The following JAKMIP2 variants were observed in gnomAD, a reference collection of about 807,000 sequenced individuals.
JAKMIP2 encodes the protein janus kinase and microtubule interacting protein 2, also known as janus kinase and microtubule-interacting protein 2.
Under a neutral mutation model 115.0 loss-of-function variants are expected in JAKMIP2, and 25 were observed. The observed-to-expected ratio is 0.22, with a 90% CI of 0.16 to 0.30. The LOEUF is 0.30. Among genes scored for constraint, JAKMIP2 ranks in the 10% least tolerant of loss-of-function variants. JAKMIP2 has a pLI of 1.00. For synonymous variants in JAKMIP2, 334 were observed against 343.6 expected (o/e 0.97, Z 0.31); for missense variants, 642 against 957.6 (o/e 0.67, Z 4.35).
chr5:147,738,297 C>T (rs1754002060), intron 1 of JAKMIP2, among the ~76,000 whole-genome samples: 2 of 152,120 alleles, frequency 1.3e-5, no homozygotes, highest in Non-Finnish European at 2.9e-5. Flanking sequence ...TCCACATAAG[C>T]CACAACTTCT....
chr5:147,737,982 C>T (rs1753988391), intron 1 of JAKMIP2, among the ~76,000 whole-genome samples: 1 of 151,988 alleles, frequency 6.6e-6, no homozygotes, highest in Non-Finnish European at 1.5e-5. Context: ...GAACCATTTA[C>T]TTTCACAAGT....
At chr5:147,670,813 A>G (rs1759542086) in intron 2 of JAKMIP2, among the ~76,000 whole-genome samples, 1 of 152,192 alleles carries the variant, frequency 6.6e-6, no homozygotes, top group Non-Finnish European at 1.5e-5. Flanking sequence ...TATTCATTCA[A>G]CAAATACATA....
intron 1 of JAKMIP2, among the ~76,000 whole-genome samples, chr5:147,709,907 G>A (rs1034004453): frequency 2.6e-5 from 4 of 151,966 alleles, no homozygotes; most frequent in Non-Finnish European, 4.4e-5. Context: ...TCTCCTAATC[G>A]TAGTCTTTCT....
intron 20 of JAKMIP2, among the ~76,000 whole-genome samples, chr5:147,607,711 CT>C (rs1318825772): frequency 1.3e-5 from 2 of 152,118 alleles, no homozygotes; most frequent in African/African-American, 4.8e-5. Flanking sequence ...GGAGAAGTCC[CT>C]TTTTTTCTAT....
chr5:147,636,460 C>T (rs537783067), intron 11 of JAKMIP2, 176 bp from the exon 12 acceptor site: 49 of 601,452 alleles, frequency 8.1e-5, no homozygotes, highest in African/African-American at 6.3e-4. Flanking sequence ...CCAAAGTTGC[C>T]GGGAAAATTT....
At chr5:147,593,467 C>A (rs953669025) in intron 21 of JAKMIP2, among the ~76,000 whole-genome samples, 3 of 152,300 alleles carry the variant, frequency 2.0e-5, no homozygotes, top group African/African-American at 7.2e-5. Flanking sequence ...TTCTTCCTCC[C>A]TGCTCTCCAG....
intron 21 of JAKMIP2, 65 bp downstream of exon 21, chr5:147,601,676 T>C (rs890326028): frequency 2.7e-6 from 3 of 1,103,462 alleles, no homozygotes; most frequent in Non-Finnish European, 3.8e-6. Context: ...ATAGTAACTA[T>C]AGGTAACATC....
intron 10 of JAKMIP2, among the ~76,000 whole-genome samples, chr5:147,638,544 A>G (rs964337843): frequency 6.6e-6 from 1 of 152,112 alleles, no homozygotes; most frequent in Admixed American, 6.5e-5. Flanking sequence ...AAACCTGCTT[A>G]TTTACTTATA....
intron 19 of JAKMIP2, among the ~76,000 whole-genome samples, chr5:147,616,146 A>G (rs960496717): frequency 1.3e-5 from 2 of 152,166 alleles, no homozygotes; most frequent in African/African-American, 4.8e-5. Context: ...ACTCTTAAAC[A>G]TTCAAGCAGA....
intron 1 of JAKMIP2, among the ~76,000 whole-genome samples, chr5:147,770,038 A>G (rs1413127475): frequency 6.6e-6 from 1 of 152,094 alleles, no homozygotes; most frequent in African/African-American, 2.4e-5. Flanking sequence ...TTTCATTTGC[A>G]CTATTTTGGC....
chr5:147,671,030 T>G (rs895212049), intron 2 of JAKMIP2, among the ~76,000 whole-genome samples: 1 of 152,142 alleles, frequency 6.6e-6, no homozygotes, highest in African/African-American at 2.4e-5. Flanking sequence ...AGATGCTTGA[T>G]GGTTGAGCAG....
chr5:147,683,444 A>T (rs761496697), intron 1 of JAKMIP2, among the ~76,000 whole-genome samples: 4 of 152,182 alleles, frequency 2.6e-5, no homozygotes, highest in Admixed American at 6.5e-5. Context: ...GTGAGCCAAG[A>T]TCATGCCACT....
chr5:147,780,406 C>T (rs78187534), intron 1 of JAKMIP2, among the ~76,000 whole-genome samples: 1 of 152,264 alleles, frequency 6.6e-6, no homozygotes, highest in East Asian at 1.9e-4. Context: ...AGGATATCTG[C>T]TTTCATTGCA....
intron 1 of JAKMIP2, among the ~76,000 whole-genome samples, chr5:147,719,440 C>T (rs1753166622): frequency 1.4e-5 from 2 of 144,126 alleles, no homozygotes; most frequent in Admixed American, 6.9e-5. Context: ...CTAATGTTGA[C>T]AGTGGGGTGT....
At chr5:147,663,699 T>C (rs1759148225) in intron 2 of JAKMIP2, among the ~76,000 whole-genome samples, 1 of 152,246 alleles carries the variant, frequency 6.6e-6, no homozygotes, top group Non-Finnish European at 1.5e-5. Flanking sequence ...TTGCATAGTA[T>C]TTTGTGAACA....
At chr5:147,756,488 G>T (rs531869491) in intron 1 of JAKMIP2, among the ~76,000 whole-genome samples, 4 of 152,256 alleles carry the variant, frequency 2.6e-5, no homozygotes, top group African/African-American at 9.6e-5. Flanking sequence ...ACCTTGCTCG[G>T]CATGATGTGT....
chr5:147,640,935 T>C, intron 8 of JAKMIP2, 112 bp from the exon 9 acceptor site: 1 of 816,704 alleles, frequency 1.2e-6, no homozygotes, highest in Admixed American at 2.6e-5. Flanking sequence ...ACATGGATCC[T>C]CTATGCTTCT....
chr5:147,706,931 G>T (rs767473838), intron 1 of JAKMIP2, among the ~76,000 whole-genome samples: 1 of 152,164 alleles, frequency 6.6e-6, no homozygotes, highest in African/African-American at 2.4e-5. Flanking sequence ...GAGAATGACA[G>T]TCAGTAAAGA....
chr5:147,613,527 G>C (rs1036067552), intron 19 of JAKMIP2, among the ~76,000 whole-genome samples: 1 of 152,104 alleles, frequency 6.6e-6, no homozygotes, highest in Admixed American at 6.6e-5. Context: ...TTTAAAGTTA[G>C]TTAATATGTT....
Sources: allele counts gnomAD v4.1 joint callset (sites outside exome capture counted in the v4.1 genomes callset), GRCh38; gene constraint gnomAD v4.1.1; transcripts MANE v1.5; gene names NCBI Gene and HGNC (gene_info 2026-07-23, HGNC 2026-07-21).